GARRE1: variants seen among roughly 807,000 people sequenced by gnomAD.
The protein encoded by GARRE1 is granule associated Rac and RHOG effector protein 1.
A neutral mutation model predicts 103.2 loss-of-function variants in GARRE1; 49 were observed. That is an observed-to-expected ratio of 0.47 (90% CI 0.38 to 0.60). The LOEUF (loss-of-function observed/expected upper bound fraction) is 0.60. Among genes scored for constraint, GARRE1 ranks in the 20% least tolerant of loss-of-function variants. The pLI, the probability that GARRE1 is intolerant of heterozygous loss-of-function variation, is 0.00. For synonymous variants in GARRE1, 505 were observed against 532.8 expected (o/e 0.95, Z 0.72); for missense variants, 1,199 against 1,370.5 (o/e 0.87, Z 1.98).
rs1323458802 is a variant in GARRE1, at chr19:34,334,514, TGTG to T, written c.1361+717_1361+719del. 2.0e-5 allele frequency among the ~76,000 whole-genome samples: 3 copies of T among 149,330 alleles called. No homozygotes were observed. The East Asian group carries it at 6.1e-4, about 30-fold the overall frequency. The stretch of plus-strand genomic sequence containing the variant: ...AGAAGTTTGAGACCAGCCTGCCCAA[TGTG>T]GTGAAACCCCATCTCTACTAAAAAT... On this transcript the variant is annotated intron_variant, in intron 8 of 13. Coordinates refer to ENST00000299505, the MANE Select transcript of GARRE1 (RefSeq NM_014686.5).
chr19:34,275,810 C>T (rs1459630494), intron 1 of GARRE1, among the ~76,000 whole-genome samples: 1 of 152,110 alleles, frequency 6.6e-6, no homozygotes, highest in African/African-American at 2.4e-5. Context: ...CTGTGTTTTC[C>T]AACATGTCTG....
chr19:34,260,026 C>T (rs746795692), intron 1 of GARRE1, among the ~76,000 whole-genome samples: 7 of 152,204 alleles, frequency 4.6e-5, no homozygotes, highest in Non-Finnish European at 7.3e-5. Context: ...AACTGTGAAT[C>T]AATTAAGCCT....
chr19:34,298,712 A>G (rs1042346827), intron 1 of GARRE1, among the ~76,000 whole-genome samples: 2 of 149,466 alleles, frequency 1.3e-5, no homozygotes, highest in Admixed American at 6.6e-5. Context: ...CATCTCAAAA[A>G]AAATAATAAT....
At chr19:34,310,153 C>G (rs1312770394) in intron 2 of GARRE1, among the ~76,000 whole-genome samples, 1 of 152,192 alleles carries the variant, frequency 6.6e-6, no homozygotes, top group Non-Finnish European at 1.5e-5. Context: ...TAGAAGGAAA[C>G]AAATAGGAGA....
chr19:34,296,421 G>A, intron 1 of GARRE1: 1 of 1,580,000 alleles, frequency 6.3e-7, no homozygotes, highest in Non-Finnish European at 8.6e-7. Flanking sequence ...GCGGGCACGA[G>A]CACACTTCCC....
At chr19:34,278,983 A>G (rs1056775307) in intron 1 of GARRE1, among the ~76,000 whole-genome samples, 3 of 152,084 alleles carry the variant, frequency 2.0e-5, no homozygotes, top group Admixed American at 6.6e-5. Flanking sequence ...TTCCTTTTTA[A>G]TACTAAATAA....
intron 1 of GARRE1, among the ~76,000 whole-genome samples, chr19:34,267,693 G>A (rs757379583): frequency 2.6e-5 from 4 of 151,110 alleles, no homozygotes; most frequent in Non-Finnish European, 4.4e-5. Flanking sequence ...AAAATAAACC[G>A]CAGGTTTCTA....
At chr19:34,256,810 A>T (rs967084819) in intron 1 of GARRE1, among the ~76,000 whole-genome samples, 1 of 152,190 alleles carries the variant, frequency 6.6e-6, no homozygotes, top group Non-Finnish European at 1.5e-5. Context: ...TTCTTTTCAC[A>T]GTATCTTCAC....
intron 3 of GARRE1, among the ~76,000 whole-genome samples, chr19:34,326,927 G>T (rs113637561): frequency 3.3e-5 from 5 of 151,960 alleles, no homozygotes; most frequent in African/African-American, 1.2e-4. Context: ...GGCCGAGGTG[G>T]GTGGATCACC....
At chr19:34,263,382 C>T (rs945500101) in intron 1 of GARRE1, among the ~76,000 whole-genome samples, 1 of 151,846 alleles carries the variant, frequency 6.6e-6, no homozygotes, top group Admixed American at 6.6e-5. Context: ...GGGATGAGAC[C>T]CCAGAAAACC....
At chr19:34,304,916 C>T (rs1041841915) in intron 2 of GARRE1, among the ~76,000 whole-genome samples, 2 of 151,910 alleles carry the variant, frequency 1.3e-5, no homozygotes, top group African/African-American at 2.4e-5. Context: ...CTCAGCCTCC[C>T]GAGTAGCTTG....
chr19:34,352,914 G>A lies in GARRE1; in HGVS notation c.3172G>A (p.Gly1058Arg), dbSNP rs2074247458. 4 of 1,572,372 alleles carry A rather than the reference G, an allele frequency of 2.5e-6. No homozygotes were observed. The African/African-American group carries it at 4.1e-5, about 16-fold the overall frequency. The change falls in exon 14 of 14, where the codon GGG becomes AGG. Residue 1058 changes from glycine to arginine, a missense_variant. Coordinates refer to ENST00000299505, the MANE Select transcript of GARRE1 (RefSeq NM_014686.5). ...AAPKGFKAFP[G>R]KGERRPAYLP... ...ACCCAAGGGCTTCAAGGCCTTCCCT[G>A]GGAAGGGTGAGCGCAGGCCAGCCTA...
intron 8 of GARRE1, among the ~76,000 whole-genome samples, chr19:34,337,913 T>C (rs571864268): frequency 6.6e-6 from 1 of 152,308 alleles, no homozygotes; most frequent in South Asian, 2.1e-4. Flanking sequence ...GTGTCCTGAT[T>C]ATCAGTGATT....
intron 3 of GARRE1, among the ~76,000 whole-genome samples, chr19:34,324,169 A>G (rs551790393): frequency 6.6e-6 from 1 of 152,256 alleles, no homozygotes; most frequent in African/African-American, 2.4e-5. Context: ...TCCCACCAGT[A>G]CACAAAGATG....
intron 2 of GARRE1, among the ~76,000 whole-genome samples, chr19:34,312,096 G>A (rs1376735404): frequency 6.6e-6 from 1 of 152,074 alleles, no homozygotes; most frequent in Non-Finnish European, 1.5e-5. Flanking sequence ...GATTACAGGT[G>A]TGAGCCACCA....
chr19:34,348,074 T>C, intron 11 of GARRE1, 32 bp downstream of exon 11: 2 of 1,389,056 alleles, frequency 1.4e-6, no homozygotes, highest in South Asian at 1.8e-5. Context: ...GAATCTGAGC[T>C]TGAGACCCAG....
chr19:34,352,830 G>A lies in GARRE1; in HGVS notation c.3088G>A (p.Ala1030Thr), dbSNP rs200483640. 7.6e-5 allele frequency: 123 copies of A among 1,611,674 alleles called. 1 individual carries two copies. The highest frequency in any genetic ancestry group is 1.7e-4 in the Middle Eastern group (1 of 6,032). The change falls in exon 14 of 14, where the codon GCC becomes ACC. Residue 1030 changes from alanine to threonine, a missense_variant. Coordinates refer to ENST00000299505, the MANE Select transcript of GARRE1 (RefSeq NM_014686.5). ...CGCAACCAACGACTGCAGTGCCGCT[G>A]CCTTCTCCTATGTGCAGACCCCACC... The part of the protein sequence containing the change: ...WAATNDCSAA[A>T]FSYVQTPPQP...
intron 1 of GARRE1, among the ~76,000 whole-genome samples, chr19:34,286,069 C>T (rs1001336804): frequency 1.3e-5 from 2 of 152,102 alleles, no homozygotes; most frequent in African/African-American, 2.4e-5. Context: ...CAGTGGCACA[C>T]GCCTGTAATC....
chr19:34,276,245 G>GT (rs1032626886), intron 1 of GARRE1, among the ~76,000 whole-genome samples: 62 of 152,248 alleles, frequency 4.1e-4, no homozygotes, highest in African/African-American at 1.3e-3. Flanking sequence ...GTTTCGCCAT[G>GT]TTGACCAGGC....
Sources: gnomAD v4.1 joint callset for allele counts (sites outside exome capture counted in the v4.1 genomes callset) on GRCh38, gnomAD v4.1.1 for gene constraint, MANE v1.5 for transcripts, NCBI Gene and HGNC (gene_info 2026-07-23, HGNC 2026-07-21) for gene names.